CEP170B: variants seen among roughly 807,000 people sequenced by gnomAD.
CEP170B encodes centrosomal protein 170B, also known as centrosomal protein of 170 kDa protein B.
CEP170B carries 55 observed loss-of-function variants against 120.6 expected under a neutral mutation model. That is an observed-to-expected ratio of 0.46 (90% CI 0.37 to 0.57). CEP170B has a LOEUF of 0.57. Ranked by LOEUF, CEP170B falls within the 20% of genes least tolerant of loss-of-function variation. The pLI is 0.00. For synonymous variants in CEP170B, 1,033 were observed against 954.5 expected (o/e 1.08, Z -1.52); for missense variants, 2,212 against 2,253.3 (o/e 0.98, Z 0.37).
Position 104,887,019 on chromosome 14 carries a change from G to A in CEP170B, c.2780G>A (p.Arg927Gln), listed in dbSNP as rs751687272. ...TETALAALEA[R>Q]LLSNSVDAEC... ...ACGGCCCTGGCGGCCCTGGAGGCCC[G>A]ACTCCTCTCTAATTCTGTGGATGCC... Residue 927 changes from arginine (R) to glutamine (Q), a missense_variant, in exon 12 of 19, where the codon CGA becomes CAA. Transcript: ENST00000414716. 21 of 1,610,652 alleles carry A rather than the reference G, an allele frequency of 1.3e-5. 2 individuals are homozygous for A. In the Middle Eastern group the frequency reaches 6.6e-4, roughly 51 times the overall value.
At chr14:104,866,370 A>G (rs1181613998) in intron 1 of CEP170B, among the ~76,000 whole-genome samples, 3 of 152,120 alleles carry the variant, frequency 2.0e-5, no homozygotes, top group Non-Finnish European at 4.4e-5. Flanking sequence ...CGGAGGTGCA[A>G]TGGTGGGGTA....
chr14:104,889,994 A>G (rs1258778245), intron 13 of CEP170B, among the ~76,000 whole-genome samples: 1 of 43,220 alleles, frequency 2.3e-5, no homozygotes. Context: ...GGATGGATGG[A>G]TAGGAGGGTG....
At chr14:104,878,645 G>C in intron 5 of CEP170B, 144 bp downstream of exon 5, 1 of 813,930 alleles carries the variant, frequency 1.2e-6, no homozygotes, top group Non-Finnish European at 2.0e-6. Context: ...CATGAGTCAG[G>C]CCAGCCTGTC....
chr14:104,883,241 G>C lies in CEP170B; in HGVS notation c.784G>C (p.Val262Leu), dbSNP rs1159157510. The change falls in exon 8 of 19, where the codon GTG becomes CTG. Residue 262 changes from valine to leucine, a missense_variant. Val to Leu is a conservative substitution (Grantham distance 32). Coordinates refer to ENST00000414716, the MANE Select transcript of CEP170B (RefSeq NM_001112726.3). The part of the protein sequence containing the change: ...AEAGGGGAAP[V>L]VQSHASFTIE... Reference sequence around the variant, plus strand: ...GGCAGGTGGGGGCGGAGCGGCCCCTGTGGTGCAGAGCCACGCCTCCTTCAC... The same window carrying C: ...GGCAGGTGGGGGCGGAGCGGCCCCTCTGGTGCAGAGCCACGCCTCCTTCAC... 1 of 1,611,410 alleles carries C rather than the reference G, an allele frequency of 6.2e-7. No homozygotes were observed.
chr14:104,865,129 G>C (rs2841221), upstream of CEP170B, among the ~76,000 whole-genome samples: 87,651 of 147,962 alleles, frequency 0.59, 26,647 homozygotes, highest in Middle Eastern at 0.8. The surrounding 1 kb of genome is among the most constrained non-coding windows in gnomAD (Gnocchi z 6.7). Context: ...TACCGGGGCG[G>C]GCTCACCTGG....
chr14:104,893,692 G>A, intron 15 of CEP170B, 26 bp downstream of exon 15: 1 of 1,584,828 alleles, frequency 6.3e-7, no homozygotes, highest in Admixed American at 1.8e-5. Flanking sequence ...CCGCCACGGA[G>A]CTGGGTGTGG....
At chr14:104,885,024 G>A (rs1259881872) in intron 9 of CEP170B, among the ~76,000 whole-genome samples, 1 of 144,232 alleles carries the variant, frequency 6.9e-6, no homozygotes, top group Non-Finnish European at 1.5e-5. Flanking sequence ...TGCCGGGGGT[G>A]GCGAGTGAGA....
chr14:104,865,880 C>T lies in CEP170B; in HGVS notation c.-28+367C>T, dbSNP rs1015168400. Among the ~76,000 whole-genome samples the T allele has an allele frequency of 1.3e-5, 2 of 152,128 alleles. No individual in the cohort carries two copies. Among genetic ancestry groups the T allele is most frequent in the Non-Finnish European group, 2.9e-5 (2 of 68,000 alleles). ...CTCCCTCCTGGCCTGGTCTCTCCTC[C>T]CGCGGTCCCTCCCTCCGTCTTCCTC... On this transcript the variant is annotated intron_variant, in intron 1 of 18. Coordinates refer to ENST00000414716, the MANE Select transcript of CEP170B (RefSeq NM_001112726.3). The surrounding 1 kb of genome is among the most constrained non-coding windows in gnomAD (Gnocchi z 6.7).
Position 104,875,631 on chromosome 14 carries a change from G to A in CEP170B, c.106-625G>A, listed in dbSNP as rs187462889. Among the ~76,000 whole-genome samples the A allele has an allele frequency of 1.2e-3, 187 of 152,240 alleles. 1 individual carries two copies. The East Asian group carries it at 0.03, about 24-fold the overall frequency. On this transcript the variant is annotated intron_variant, in intron 2 of 18. Coordinates refer to ENST00000414716, the MANE Select transcript of CEP170B (RefSeq NM_001112726.3). ...AGTGGGCAGCAGCCGTGCTCGCAGCGCTTAAGCAAGTAGAAAGTGACTCGC... is the reference window on the plus strand; with the variant it reads ...AGTGGGCAGCAGCCGTGCTCGCAGCACTTAAGCAAGTAGAAAGTGACTCGC...
chr14:104,892,791 C>T (rs555621947), intron 13 of CEP170B, among the ~76,000 whole-genome samples, 185 bp from the exon 14 acceptor site: 8 of 152,358 alleles, frequency 5.3e-5, no homozygotes, highest in Admixed American at 3.9e-4. Flanking sequence ...CCTTTGGGGC[C>T]GTGGCCAGTG....
At chr14:104,864,898 G>C (rs1895109059), upstream of CEP170B, among the ~76,000 whole-genome samples, 1 of 152,158 alleles carries the variant, frequency 6.6e-6, no homozygotes, top group African/African-American at 2.4e-5. This position sits in a 1 kb window ranked among gnomAD's most constrained non-coding sequence, Gnocchi z 5.9. Flanking sequence ...CCTGGGCCAG[G>C]GCGCGGGGCT....
intron 3 of CEP170B, among the ~76,000 whole-genome samples, chr14:104,876,803 A>G (rs1895876870): frequency 6.6e-6 from 1 of 152,168 alleles, no homozygotes; most frequent in African/African-American, 2.4e-5. Flanking sequence ...TTGGGTACCC[A>G]GTCTGGGTAT....
intron 2 of CEP170B, among the ~76,000 whole-genome samples, chr14:104,873,102 G>GGGTT (rs1895660874): frequency 6.6e-6 from 1 of 152,032 alleles, no homozygotes; most frequent in African/African-American, 2.4e-5. Flanking sequence ...TTCTGGAAGG[G>GGGTT]GGTTCCCCAT....
At chr14:104,894,125 G>C in intron 16 of CEP170B, 160 bp from the exon 17 acceptor site, 1 of 678,262 alleles carries the variant, frequency 1.5e-6, no homozygotes, top group Non-Finnish European at 2.6e-6. Flanking sequence ...GCACAGATGG[G>C]ACTTTGGTGC....
At chr14:104,876,198 C>G in intron 2 of CEP170B, 58 bp from the exon 3 acceptor site, 1 of 1,513,648 alleles carries the variant, frequency 6.6e-7, no homozygotes, top group South Asian at 1.2e-5. Context: ...GTGCCTCTGC[C>G]TCTTGGGTGT....
At position 104,870,216 on chromosome 14, in the gene CEP170B, G is replaced by A. The variant is rs1006001847; in HGVS notation, c.105+1661G>A. On this transcript the variant is annotated intron_variant, in intron 2 of 18. Coordinates refer to ENST00000414716, the MANE Select transcript of CEP170B (RefSeq NM_001112726.3). This position sits in a 1 kb window ranked among gnomAD's most constrained non-coding sequence, Gnocchi z 4.1. Reference sequence around the variant, plus strand: ...CCAGGGAGCGAGCGTGGGCGACCGAGGTGGGCGCGGCAGCACCTGCACTTC... The same window carrying A: ...CCAGGGAGCGAGCGTGGGCGACCGAAGTGGGCGCGGCAGCACCTGCACTTC... 4.6e-5 allele frequency among the ~76,000 whole-genome samples: 7 copies of A among 152,226 alleles called. No homozygotes were observed. The highest frequency in any genetic ancestry group is 1.7e-4 in the African/African-American group (7 of 41,466).
In CEP170B at chr14:104,896,708, T is replaced by C. The variant is rs1303683654; in HGVS notation, c.*1750T>C. On this transcript the variant is annotated 3_prime_UTR_variant, in exon 19 of 19. Coordinates refer to ENST00000414716, the MANE Select transcript of CEP170B (RefSeq NM_001112726.3). ...AATGGTTATTTTATATGATTTGTCA[T>C]GGAATTTGTTCTAATAAATCATTCT... is the stretch of plus-strand genomic sequence containing the variant. 1 of 455,756 alleles carries C rather than the reference T, an allele frequency of 2.2e-6. No individual in the cohort carries two copies. Among genetic ancestry groups the C allele is most frequent in the Non-Finnish European group, 4.4e-6 (1 of 226,566 alleles). 28.2% of individuals were successfully genotyped at this position (455,756 alleles called of 1,614,324 possible). A position where few individuals can be genotyped will look rare whatever the true frequency, so the allele number is the denominator to read the frequency against.
Position 104,867,672 on chromosome 14 carries a change from A to G in CEP170B, c.-27-752A>G, listed in dbSNP as rs1315833069. 6.6e-6 allele frequency among the ~76,000 whole-genome samples: 1 copy of G among 151,650 alleles called. No individual in the cohort carries two copies. The highest frequency in any genetic ancestry group is 1.9e-4 in the East Asian group (1 of 5,132). On this transcript the variant is annotated intron_variant, in intron 1 of 18. Transcript: ENST00000414716. This position sits in a 1 kb window ranked among gnomAD's most constrained non-coding sequence, Gnocchi z 5.4. ...ACTCAGGCTGTCCCCGTTACCTCCCAGGCTGCCACGGGGCTCCCTGCCTGT... is the reference window on the plus strand; with the variant it reads ...ACTCAGGCTGTCCCCGTTACCTCCCGGGCTGCCACGGGGCTCCCTGCCTGT...
intron 5 of CEP170B, among the ~76,000 whole-genome samples, chr14:104,878,976 G>A (rs1475949672): frequency 3.3e-5 from 5 of 152,204 alleles, no homozygotes; most frequent in Non-Finnish European, 7.4e-5. Context: ...GGGCTGAGGC[G>A]GGGGCCAGCA....
Sources: allele counts gnomAD v4.1 joint callset (sites outside exome capture counted in the v4.1 genomes callset), GRCh38; gene constraint gnomAD v4.1.1; non-coding constraint Gnocchi (gnomAD v3.1); transcripts MANE v1.5; gene names NCBI Gene and HGNC (gene_info 2026-07-23, HGNC 2026-07-21).